The following EVI2A variants were observed in gnomAD, a reference collection of about 807,000 sequenced individuals.
EVI2A encodes ecotropic viral integration site 2A, also known as protein EVI2A.
A neutral mutation model predicts 13.0 loss-of-function variants in EVI2A; 11 were observed. That is an observed-to-expected ratio of 0.85 (90% CI 0.53 to 1.40). The LOEUF is 1.40. Among genes scored for constraint, EVI2A ranks in the 40% most tolerant of loss-of-function variants. The pLI is 0.00. For missense variants in EVI2A, 267 were observed against 279.5 expected, an observed-to-expected ratio of 0.96 and a Z score of 0.32; for synonymous variants, 89 against 98.0, an observed-to-expected ratio of 0.91 and a Z score of 0.54.
Position 31,318,337 on chromosome 17 carries a change from C to T in EVI2A, c.677G>A (p.Gly226Glu). 1.2e-6 allele frequency: 2 copies of T among 1,609,452 alleles called. No homozygotes were observed. Among genetic ancestry groups the T allele is most frequent in the Non-Finnish European group, 1.7e-6 (2 of 1,178,784 alleles). The change falls in exon 2 of 2, where the codon GGA (glycine) becomes GAA (glutamate). Residue 226 changes from glycine (G) to glutamate (E), a missense_variant. Physicochemically the swap from Gly to Glu is moderately conservative, Grantham distance 98. Coordinates refer to ENST00000462804, the MANE Select transcript of EVI2A (RefSeq NM_014210.4). ...CTGTTTGTTAGTAAGTTTTTCAGTTCCTTCTTCATCTTTTCTTTCCCTTGT... is the reference window on the plus strand; with the variant it reads ...CTGTTTGTTAGTAAGTTTTTCAGTTTCTTCTTCATCTTTTCTTTCCCTTGT... The part of the protein sequence containing the change: ...TATRERKDEE[G>E]TEKLTNKQIG
intron 1 of EVI2A, chr17:31,320,847 A>ACTT (rs1333914937): frequency 5.9e-6 from 1 of 170,312 alleles, no homozygotes; most frequent in African/African-American, 2.4e-5. Context: ...ACTAGACTGG[A>ACTT]CTTCTGTATT....
chr17:31,318,383 A>T lies in EVI2A; in HGVS notation c.631T>A (p.Ser211Thr). The T allele has an allele frequency of 6.2e-7, 1 of 1,613,924 alleles. No homozygotes were observed. The highest frequency in any genetic ancestry group is 8.5e-7 in the Non-Finnish European group (1 of 1,179,996). ...QLTGPNLVMQ[S>T]TGVLTATRER... ...CTTGTAGCTGTGAGCACTCCAGTAGATTGCATCACTAGGTTGGGTCCTGTG... is the reference window on the plus strand; with the variant it reads ...CTTGTAGCTGTGAGCACTCCAGTAGTTTGCATCACTAGGTTGGGTCCTGTG... The change falls in exon 2 of 2, where the codon TCT (serine) becomes ACT (threonine). Residue 211 changes from serine (S) to threonine (T), a missense_variant. Physicochemically the swap from Ser to Thr is moderately conservative, Grantham distance 58. Coordinates refer to ENST00000462804, the MANE Select transcript of EVI2A (RefSeq NM_014210.4).
intron 1 of EVI2A, among the ~76,000 whole-genome samples, 159 bp downstream of exon 1, chr17:31,321,330 CTTAAAA>C (rs2151531401): frequency 6.6e-6 from 1 of 152,058 alleles, no homozygotes; most frequent in South Asian, 2.1e-4. Flanking sequence ...TCATTTCTAA[CTTAAAA>C]TTTATGTAAC....
In EVI2A at chr17:31,318,550, GATAGAA is replaced by G. The variant is rs2069088705; in HGVS notation, c.458_463del (p.Phe153_Leu154del). The G allele has an allele frequency of 1.2e-6, 2 of 1,614,072 alleles. No homozygotes were observed. Among genetic ancestry groups the G allele is most frequent in the Non-Finnish European group, 1.7e-6 (2 of 1,180,002 alleles). ...GACTTTGTTTGCCAAAACCACAGTT[GATAGAA>G]ATAGAAAGGTACAGATAAGAAAAAG... On this transcript the variant is annotated inframe_deletion, in exon 2 of 2. Transcript: ENST00000462804.
intron 1 of EVI2A, 43 bp from the exon 2 acceptor site, chr17:31,319,066 A>G (rs751574248): frequency 2.0e-6 from 3 of 1,530,830 alleles, no homozygotes; most frequent in African/African-American, 2.8e-5. Flanking sequence ...TGAAAGAATA[A>G]TGGATCCTAG....
In EVI2A at chr17:31,318,823, A is replaced by T; in HGVS notation, c.191T>A (p.Ile64Lys). The T allele has an allele frequency of 6.2e-7, 1 of 1,613,982 alleles. No individual in the cohort carries two copies. The highest frequency in any genetic ancestry group is 1.3e-5 in the African/African-American group (1 of 75,044). ...ACCTTTATAATCTACTTCAGGAGTT[A>T]TAGGGTTTGTGTTAATGTTTTCATT... ...NQNENINTNP[I>K]TPEVDYKGNS... is the part of the protein sequence containing the mutation. The change falls in exon 2 of 2, where the codon ATA becomes AAA. Residue 64 changes from isoleucine (I) to lysine (K), a missense_variant. By Grantham distance (102) the Ile-to-Lys change is moderately radical. Coordinates refer to ENST00000462804, the MANE Select transcript of EVI2A (RefSeq NM_014210.4).
intron 1 of EVI2A, chr17:31,320,380 G>A (rs765755317): frequency 2.9e-5 from 46 of 1,603,116 alleles, no homozygotes; most frequent in Non-Finnish European, 3.4e-5. Flanking sequence ...TACCTAGCTA[G>A]TATAGGTAGG....
intron 1 of EVI2A, among the ~76,000 whole-genome samples, 174 bp downstream of exon 1, chr17:31,321,321 C>A (rs1303961430): frequency 6.6e-6 from 1 of 152,044 alleles, no homozygotes; most frequent in Non-Finnish European, 1.5e-5. Context: ...CAAATTTTTT[C>A]ATTTCTAACT....
Position 31,318,193 on chromosome 17 carries a change from G to T in EVI2A, c.*110C>A. On this transcript the variant is annotated 3_prime_UTR_variant, in exon 2 of 2. Transcript: ENST00000462804. ...CACCTGCTTGATTCTAAATTGCAAGGTCTACCATGTCAAATTTTAGATAAT... is the reference window on the plus strand; with the variant it reads ...CACCTGCTTGATTCTAAATTGCAAGTTCTACCATGTCAAATTTTAGATAAT... 7.3e-7 allele frequency: 1 copy of T among 1,375,998 alleles called. No individual in the cohort carries two copies. Among genetic ancestry groups the T allele is most frequent in the Non-Finnish European group, 9.8e-7 (1 of 1,017,228 alleles). The allele number at this position is 1,375,998 out of a possible 1,614,324, so 85.2% of individuals were successfully genotyped here.
In EVI2A at chr17:31,318,780, AGG is replaced by A. The variant is rs1233108942; in HGVS notation, c.232_233del (p.Pro78Ter). ...VDYKGNSTNM[P>X]ETSHIVALTS... ...TTAAAGCTACGATGTGAGATGTTTC[AGG>A]CATGTTTGTAGAATTACCTTTATAA... On this transcript the variant is annotated frameshift_variant, in exon 2 of 2. Coordinates refer to ENST00000462804, the MANE Select transcript of EVI2A (RefSeq NM_014210.4). LOFTEE classifies it high-confidence loss of function. 46 of 1,613,930 alleles carry A rather than the reference AGG, an allele frequency of 2.9e-5. No individual in the cohort carries two copies. Among genetic ancestry groups the A allele is most frequent in the Non-Finnish European group, 3.6e-5 (42 of 1,179,978 alleles).
chr17:31,321,039 A>G (rs1354361070), intron 1 of EVI2A: 5 of 152,190 alleles, frequency 3.3e-5, no homozygotes, highest in African/African-American at 1.2e-4. Flanking sequence ...GTATGACAAA[A>G]TGAGACTTTC....
Position 31,318,067 on chromosome 17 carries a change from C to T in EVI2A, c.*236G>A, listed in dbSNP as rs1012214831. On this transcript the variant is annotated 3_prime_UTR_variant, in exon 2 of 2. Transcript: ENST00000462804. ...TCCTCAATTTATCCTTAAAATTTTCCTCAAATGCTTAGTTATTTTATTATT... is the reference window on the plus strand; with the variant it reads ...TCCTCAATTTATCCTTAAAATTTTCTTCAAATGCTTAGTTATTTTATTATT... 30 of 458,054 alleles carry T rather than the reference C, an allele frequency of 6.5e-5. No homozygotes were observed. The highest frequency in any genetic ancestry group is 5.7e-4 in the African/African-American group (28 of 49,086). 28.4% of individuals were successfully genotyped at this position (458,054 alleles called of 1,614,324 possible). A position where few individuals can be genotyped will look rare whatever the true frequency, so the allele number is the denominator to read the frequency against.
Position 31,318,793 on chromosome 17 carries a change from G to T in EVI2A, c.221C>A (p.Ser74Tyr), listed in dbSNP as rs766234636. ...GTGAGATGTTTCAGGCATGTTTGTA[G>T]AATTACCTTTATAATCTACTTCAGG... is the stretch of plus-strand genomic sequence containing the variant. ...ITPEVDYKGN[S>Y]TNMPETSHIV... Residue 74 changes from serine to tyrosine, a missense_variant, in exon 2 of 2, where the codon TCT becomes TAT. Ser to Tyr is a moderately radical substitution (Grantham distance 144). Coordinates refer to ENST00000462804, the MANE Select transcript of EVI2A (RefSeq NM_014210.4). 2.5e-6 allele frequency: 4 copies of T among 1,613,988 alleles called. No homozygotes were observed. In the South Asian group the frequency reaches 4.4e-5, roughly 18 times the overall value.
rs149991818 is a variant in EVI2A at position 31,318,685 on chromosome 17, A to G, written c.329T>C (p.Ile110Thr). 94 of 1,614,022 alleles carry G rather than the reference A, an allele frequency of 5.8e-5. No individual in the cohort carries two copies. Among genetic ancestry groups the G allele is most frequent in the African/African-American group, 8.0e-5 (6 of 74,930 alleles). The change falls in exon 2 of 2, where the codon ATT becomes ACT. Residue 110 changes from isoleucine (I) to threonine (T), a missense_variant. Physicochemically the swap from Ile to Thr is moderately conservative, Grantham distance 89. Coordinates refer to ENST00000462804, the MANE Select transcript of EVI2A (RefSeq NM_014210.4). ...ACCATGACTTTTGCTTGTGTTTTCA[A>G]TGCTCTGTACTGTTGAAGGACTGTT... ...VSNSPSTVQS[I>T]ENTSKSHGEI...
Position 31,318,126 on chromosome 17 carries a change from T to C in EVI2A, c.*177A>G. On this transcript the variant is annotated 3_prime_UTR_variant, in exon 2 of 2. Transcript: ENST00000462804. Reference sequence around the variant, plus strand: ...AAAATATTCAGTGTCAAAACAAAAGTACACAGTTTAAATAATTAAGCAGGC... The same window carrying C: ...AAAATATTCAGTGTCAAAACAAAAGCACACAGTTTAAATAATTAAGCAGGC... The C allele has an allele frequency of 1.4e-6, 1 of 700,334 alleles. No individual in the cohort carries two copies. Among genetic ancestry groups the C allele is most frequent in the South Asian group, 2.6e-5 (1 of 39,036 alleles). The allele number at this position is 700,334 out of a possible 1,614,324, so 43.4% of individuals were successfully genotyped here. A position where few individuals can be genotyped will look rare whatever the true frequency, so the allele number is the denominator to read the frequency against.
chr17:31,320,543 A>C (rs2151530205), intron 1 of EVI2A: 1 of 914,222 alleles, frequency 1.1e-6, no homozygotes, highest in Middle Eastern at 2.2e-4. Context: ...GAAAATAAGA[A>C]ATGTGATACG....
chr17:31,320,599 G>C (rs1169485932), intron 1 of EVI2A: 1 of 535,700 alleles, frequency 1.9e-6, no homozygotes, highest in Admixed American at 3.2e-5. Context: ...AATGCTAACT[G>C]GAGACTATAT....
In EVI2A at chr17:31,317,236, C is replaced by T. The variant is rs141481799; in HGVS notation, c.*1067G>A. On this transcript the variant is annotated 3_prime_UTR_variant, in exon 2 of 2. Transcript: ENST00000462804. ...TTCAGTAGATATTTGGAAAGTCTCT[C>T]AAACCAATTTTTGTAATATATTTAA... Among the ~76,000 whole-genome samples the T allele has an allele frequency of 7.3e-4, 111 of 152,140 alleles. 1 individual carries two copies. Among genetic ancestry groups the T allele is most frequent in the African/African-American group, 2.6e-3 (107 of 41,502 alleles).
At position 31,317,936 on chromosome 17, in the gene EVI2A, T is replaced by C. The variant is rs901775223; in HGVS notation, c.*367A>G. On this transcript the variant is annotated 3_prime_UTR_variant, in exon 2 of 2. Coordinates refer to ENST00000462804, the MANE Select transcript of EVI2A (RefSeq NM_014210.4). ...CATATACTTGGCTTTAAGGACACACTAAAACTATTCAAAGTTTAATTACAT... is the reference window on the plus strand; with the variant it reads ...CATATACTTGGCTTTAAGGACACACCAAAACTATTCAAAGTTTAATTACAT... The C allele has an allele frequency of 9.7e-6, 2 of 206,880 alleles. No homozygotes were observed. The highest frequency in any genetic ancestry group is 2.0e-5 in the Non-Finnish European group (2 of 102,338). The allele number at this position is 206,880 out of a possible 1,614,324, so 12.8% of individuals were successfully genotyped here. A position where few individuals can be genotyped will look rare whatever the true frequency, so the allele number is the denominator to read the frequency against.
Sources: allele counts gnomAD v4.1 joint callset (sites outside exome capture counted in the v4.1 genomes callset), GRCh38; gene constraint gnomAD v4.1.1; transcripts MANE v1.5; gene names NCBI Gene and HGNC (gene_info 2026-07-23, HGNC 2026-07-21).